The following RGS6 variants were observed in gnomAD, a reference collection of about 807,000 sequenced individuals.
The protein encoded by RGS6 is regulator of G-protein signaling 6.
A neutral mutation model predicts 78.5 loss-of-function variants in RGS6; 30 were observed. The observed-to-expected ratio is 0.38, with a 90% CI of 0.29 to 0.52. The LOEUF (loss-of-function observed/expected upper bound fraction) is 0.52. Ranked by LOEUF, RGS6 falls within the 20% of genes least tolerant of loss-of-function variation. The pLI, the probability that RGS6 is intolerant of heterozygous loss-of-function variation, is 0.85. For missense variants in RGS6, 495 were observed against 609.7 expected, an observed-to-expected ratio of 0.81 and a Z score of 1.98; for synonymous variants, 206 against 206.0, an observed-to-expected ratio of 1.00 and a Z score of 0.00.
At chr14:72,384,614 G>A (rs1037064538) in intron 3 of RGS6, among the ~76,000 whole-genome samples, 8 of 152,126 alleles carry the variant, frequency 5.3e-5, no homozygotes, top group Non-Finnish European at 1.2e-4. Flanking sequence ...AAATCCATAG[G>A]TGTACTCTGT....
At chr14:72,016,676 A>G (rs937643957) in intron 2 of RGS6, among the ~76,000 whole-genome samples, 5 of 152,060 alleles carry the variant, frequency 3.3e-5, no homozygotes, top group Non-Finnish European at 7.4e-5. Context: ...TTCTTTGTTA[A>G]TGGTGTGTTT....
chr14:71,922,275 T>G, the RGS6 span, among the ~76,000 whole-genome samples: 83 of 152,362 alleles, frequency 5.4e-4, no homozygotes, highest in African/African-American at 1.9e-3. Flanking sequence ...CTAAATGTTA[T>G]TCTGAACTCG....
At chr14:72,114,546 A>G (rs1310439450) in intron 2 of RGS6, among the ~76,000 whole-genome samples, 2 of 152,350 alleles carry the variant, frequency 1.3e-5, no homozygotes, top group Admixed American at 1.3e-4. Flanking sequence ...GAGACCAAAC[A>G]AGGAGAAATC....
At chr14:71,986,408 A>G (rs2094712180) in intron 2 of RGS6, among the ~76,000 whole-genome samples, 2 of 152,176 alleles carry the variant, frequency 1.3e-5, no homozygotes, top group African/African-American at 4.8e-5. Context: ...CACAAATGTA[A>G]TGGCTTAAAA....
chr14:72,520,598 C>T (rs1359109084), intron 15 of RGS6, among the ~76,000 whole-genome samples: 1 of 152,206 alleles, frequency 6.6e-6, no homozygotes, highest in Non-Finnish European at 1.5e-5. Context: ...AAACTTCCCT[C>T]CACCACTATG....
chr14:72,607,832 G>A, the RGS6 span, among the ~76,000 whole-genome samples: 2 of 152,176 alleles, frequency 1.3e-5, no homozygotes, highest in Non-Finnish European at 2.9e-5. Flanking sequence ...GAGATGGCTC[G>A]ACAACCTGCT....
At chr14:72,554,061 A>G (rs1182532612) in intron 17 of RGS6, among the ~76,000 whole-genome samples, 2 of 152,228 alleles carry the variant, frequency 1.3e-5, no homozygotes, top group Non-Finnish European at 2.9e-5. Flanking sequence ...TTAGGAATCC[A>G]TGTCTGATAA....
At chr14:72,160,053 C>T (rs926292326) in intron 2 of RGS6, among the ~76,000 whole-genome samples, 1 of 152,170 alleles carries the variant, frequency 6.6e-6, no homozygotes, top group African/African-American at 2.4e-5. Context: ...TATGGGTGAG[C>T]ACCAGTATCT....
chr14:71,994,378 G>C (rs746789622), intron 2 of RGS6, among the ~76,000 whole-genome samples: 64 of 151,950 alleles, frequency 4.2e-4, no homozygotes, highest in Non-Finnish European at 7.2e-4. Context: ...CTTATTTGTA[G>C]GATAGTTTCT....
chr14:72,495,827 C>A (rs948783675), intron 13 of RGS6, among the ~76,000 whole-genome samples: 5 of 152,128 alleles, frequency 3.3e-5, no homozygotes, highest in Non-Finnish European at 5.9e-5. Context: ...CTGCCAGCAA[C>A]GATTCCAGCC....
the RGS6 span, among the ~76,000 whole-genome samples, chr14:71,877,599 A>G: frequency 6.6e-6 from 1 of 152,138 alleles, no homozygotes; most frequent in Non-Finnish European, 1.5e-5. Flanking sequence ...CAAGGTTTTT[A>G]GCTTCTTTGC....
At chr14:71,889,570 C>T in the RGS6 span, among the ~76,000 whole-genome samples, 2 of 152,104 alleles carry the variant, frequency 1.3e-5, no homozygotes, top group Admixed American at 6.5e-5. Flanking sequence ...GAGTGGGTCA[C>T]ACCAACTGCT....
chr14:72,476,877 C>T (rs373146562), intron 11 of RGS6, 37 bp downstream of exon 11: 66 of 1,562,192 alleles, frequency 4.2e-5, no homozygotes, highest in Middle Eastern at 1.7e-4. Context: ...CAGGAGGAGA[C>T]GTGGCCAGTT....
Position 72,508,969 on chromosome 14 carries a change from G to C in RGS6, c.966-1185G>C, listed in dbSNP as rs374334779. ...TTAAATGGAAAGACAGAAGCTGAAG[G>C]AAATACTCTTATCGCCCAACACCAG... On this transcript the variant is annotated intron_variant, in intron 13 of 17. Coordinates refer to ENST00000553525, the MANE Select transcript of RGS6 (RefSeq NM_001204424.2). Among the ~76,000 whole-genome samples the C allele has an allele frequency of 2.0e-4, 30 of 152,236 alleles. 1 individual carries two copies. In the East Asian group the frequency reaches 4.6e-3, roughly 24 times the overall value.
chr14:72,593,633 C>T, the RGS6 span, among the ~76,000 whole-genome samples: 1 of 152,114 alleles, frequency 6.6e-6, no homozygotes, highest in Non-Finnish European at 1.5e-5. Context: ...GTGATCTGTC[C>T]GCCTCAGCCT....
intron 2 of RGS6, among the ~76,000 whole-genome samples, chr14:72,001,319 T>C (rs765002358): frequency 3.3e-5 from 5 of 152,218 alleles, no homozygotes; most frequent in Admixed American, 1.3e-4. Flanking sequence ...TCCTACCTCA[T>C]AGAATTCTTT....
chr14:72,564,116 C>A lies in RGS6; in HGVS notation c.*1649C>A, dbSNP rs1336255848. On this transcript the variant is annotated 3_prime_UTR_variant, in exon 18 of 18. Transcript: ENST00000553525. The stretch of plus-strand genomic sequence containing the variant: ...CTGTCTATGTCTGCTTCCACACAGC[C>A]CTGTCCCCAGGGCACCAGCCTTCTG... 6.6e-6 allele frequency: 1 copy of A among 152,342 alleles called. No homozygotes were observed. Among genetic ancestry groups the A allele is most frequent in the East Asian group, 1.9e-4 (1 of 5,196 alleles). The allele number at this position is 152,342 out of a possible 1,614,324, so 9.4% of individuals were successfully genotyped here.
chr14:72,090,112 C>CAAAAAAAA (rs760072084), intron 2 of RGS6, among the ~76,000 whole-genome samples: 2 of 44,464 alleles, frequency 4.5e-5, no homozygotes, highest in Non-Finnish European at 5.4e-5. Flanking sequence ...GACTCCATCT[C>CAAAAAAAA]AAAAAAAAAA....
intron 2 of RGS6, among the ~76,000 whole-genome samples, chr14:72,008,481 G>A (rs1184907386): frequency 1.3e-5 from 2 of 151,396 alleles, no homozygotes; most frequent in African/African-American, 4.8e-5. Flanking sequence ...CTGACTCCTG[G>A]ACTCACAGAG....
Sources: allele counts gnomAD v4.1 joint callset (sites outside exome capture counted in the v4.1 genomes callset), GRCh38; gene constraint gnomAD v4.1.1; transcripts MANE v1.5; gene names NCBI Gene and HGNC (gene_info 2026-07-23, HGNC 2026-07-21).